PKP4: variants seen among roughly 807,000 people sequenced by gnomAD.
The protein encoded by PKP4 is plakophilin-4.
PKP4 carries 90 observed loss-of-function variants against 145.1 expected under a neutral mutation model. That is an observed-to-expected ratio of 0.62 (90% confidence interval 0.52 to 0.74). The LOEUF is 0.74. PKP4 is among the 30% of genes least tolerant of loss of function. PKP4 has a pLI of 0.00. For missense variants in PKP4, 1,340 were observed against 1,482.7 expected (o/e 0.90, Z 1.58); for synonymous variants, 563 against 577.2 (o/e 0.98, Z 0.35).
intron 2 of PKP4, 132 bp downstream of exon 2, chr2:158,533,448 C>A: frequency 9.3e-7 from 1 of 1,078,332 alleles, no homozygotes; most frequent in Non-Finnish European, 1.4e-6. Context: ...GTGTTTACAT[C>A]CCTGAGTACA....
intron 3 of PKP4, among the ~76,000 whole-genome samples, chr2:158,579,392 G>A (rs1224829508): frequency 6.6e-6 from 1 of 150,820 alleles, no homozygotes; most frequent in Non-Finnish European, 1.5e-5. Flanking sequence ...AGGAAGGACA[G>A]TTTCACACTG....
intron 1 of PKP4, among the ~76,000 whole-genome samples, chr2:158,497,492 T>C (rs1695915419): frequency 6.6e-6 from 1 of 152,306 alleles, no homozygotes; most frequent in Non-Finnish European, 1.5e-5. Flanking sequence ...TTCTCTTAAA[T>C]TGTTTTCTTT....
At chr2:158,649,666 A>C (rs1368416060) in intron 11 of PKP4, among the ~76,000 whole-genome samples, 1 of 152,222 alleles carries the variant, frequency 6.6e-6, no homozygotes, top group Non-Finnish European at 1.5e-5. Flanking sequence ...AGTGCCAAGC[A>C]CAAGGAGGCA....
At chr2:158,618,277 T>C (rs6719202) in intron 4 of PKP4, among the ~76,000 whole-genome samples, 29,564 of 152,236 alleles carry the variant, frequency 0.19, 3,701 homozygotes, top group Middle Eastern at 0.35. Context: ...CTTAGTTTTA[T>C]ATTTACTTAA....
At chr2:158,530,087 TATC>T (rs2043380366) in intron 1 of PKP4, among the ~76,000 whole-genome samples, 1 of 152,220 alleles carries the variant, frequency 6.6e-6, no homozygotes, top group South Asian at 2.1e-4. Flanking sequence ...GGACTTCTAA[TATC>T]ATACACGCCC....
intron 10 of PKP4, among the ~76,000 whole-genome samples, chr2:158,641,151 A>G (rs1257924298): frequency 1.3e-5 from 2 of 152,168 alleles, no homozygotes; most frequent in Non-Finnish European, 2.9e-5. Context: ...AGCCTGGCCA[A>G]CATGGTGAAA....
intron 16 of PKP4, among the ~76,000 whole-genome samples, chr2:158,668,721 G>C (rs985645431): frequency 1.3e-5 from 2 of 152,138 alleles, no homozygotes; most frequent in Non-Finnish European, 2.9e-5. Context: ...ACTCTTCATA[G>C]CAGTGTTTGT....
intron 3 of PKP4, among the ~76,000 whole-genome samples, chr2:158,579,028 C>T (rs1199156140): frequency 6.6e-6 from 1 of 152,142 alleles, no homozygotes; most frequent in East Asian, 1.9e-4. Context: ...TTGAACTTAA[C>T]ATCACTGCAC....
chr2:158,513,873 G>C (rs1224477567), intron 1 of PKP4, among the ~76,000 whole-genome samples: 1 of 151,946 alleles, frequency 6.6e-6, no homozygotes, highest in Non-Finnish European at 1.5e-5. Flanking sequence ...TAGACTGTTG[G>C]CATTCTCTGA....
intron 2 of PKP4, among the ~76,000 whole-genome samples, chr2:158,558,890 A>G (rs2046303297): frequency 6.6e-6 from 1 of 152,182 alleles, no homozygotes; most frequent in South Asian, 2.1e-4. Context: ...GATCAGGGTC[A>G]GTGCTTCAGT....
intron 1 of PKP4, among the ~76,000 whole-genome samples, chr2:158,490,570 A>G (rs1694799256): frequency 6.6e-6 from 1 of 152,212 alleles, no homozygotes; most frequent in South Asian, 2.1e-4. Flanking sequence ...AAGTTTAGAA[A>G]GGGGAAATAG....
At chr2:158,592,352 T>A (rs1454906421) in intron 3 of PKP4, among the ~76,000 whole-genome samples, 2 of 152,064 alleles carry the variant, frequency 1.3e-5, no homozygotes, top group Non-Finnish European at 2.9e-5. Context: ...TATTGACTGT[T>A]TCCTTATGGG....
chr2:158,487,610 T>C (rs1694355181), intron 1 of PKP4, among the ~76,000 whole-genome samples: 1 of 152,204 alleles, frequency 6.6e-6, no homozygotes, highest in South Asian at 2.1e-4. Context: ...TCAAGTTAAA[T>C]TTAAATAAAC....
intron 1 of PKP4, among the ~76,000 whole-genome samples, chr2:158,488,732 G>A (rs1694523713): frequency 6.6e-6 from 1 of 152,142 alleles, no homozygotes; most frequent in South Asian, 2.1e-4. Context: ...TTGGGTGATT[G>A]TATATCACTT....
At position 158,679,552 on chromosome 2, in the gene PKP4, G is replaced by A. The variant is rs373491935; in HGVS notation, c.3331-877G>A. Among the ~76,000 whole-genome samples the A allele has an allele frequency of 3.9e-4, 59 of 152,306 alleles. 1 individual carries two copies. The highest frequency in any genetic ancestry group is 1.4e-3 in the African/African-American group (58 of 41,554). On this transcript the variant is annotated intron_variant, in intron 21 of 21. Transcript: ENST00000389759. ...CATTGAGTTCCAGGACATGACATTGGTTTCTATGTGGTAAATTTGTTACAT... is the reference window on the plus strand; with the variant it reads ...CATTGAGTTCCAGGACATGACATTGATTTCTATGTGGTAAATTTGTTACAT...
At chr2:158,539,795 T>G (rs2044359597) in intron 2 of PKP4, among the ~76,000 whole-genome samples, 1 of 152,216 alleles carries the variant, frequency 6.6e-6, no homozygotes, top group Non-Finnish European at 1.5e-5. Flanking sequence ...TGGCAGAGCC[T>G]TGTGACACTG....
chr2:158,615,081 A>G (rs1023300423), intron 4 of PKP4, among the ~76,000 whole-genome samples: 2 of 151,584 alleles, frequency 1.3e-5, no homozygotes, highest in African/African-American at 4.8e-5. Flanking sequence ...TTTCTTTTTG[A>G]TAGTGAATAT....
At chr2:158,648,309 C>T (rs1349603985) in intron 11 of PKP4, among the ~76,000 whole-genome samples, 2 of 152,110 alleles carry the variant, frequency 1.3e-5, no homozygotes, top group African/African-American at 4.8e-5. Flanking sequence ...TTTTCCTGAT[C>T]ATTAGCTCCA....
chr2:158,552,289 A>G (rs943437778), intron 2 of PKP4, among the ~76,000 whole-genome samples: 1 of 152,214 alleles, frequency 6.6e-6, no homozygotes, highest in Non-Finnish European at 1.5e-5. Flanking sequence ...CGGCCCAGTG[A>G]AAATGATTTC....
Sources: gnomAD v4.1 joint callset for allele counts (sites outside exome capture counted in the v4.1 genomes callset) on GRCh38, gnomAD v4.1.1 for gene constraint, MANE v1.5 for transcripts, NCBI Gene and HGNC (gene_info 2026-07-23, HGNC 2026-07-21) for gene names.